DCDC2C: variants seen among roughly 807,000 people sequenced by gnomAD.
DCDC2C encodes the protein doublecortin domain-containing protein 2C.
Under a neutral mutation model 45.0 loss-of-function variants are expected in DCDC2C, and 44 were observed. That is an observed-to-expected ratio of 0.98 (90% CI 0.77 to 1.26). The LOEUF (loss-of-function observed/expected upper bound fraction) is 1.26. Ranked by LOEUF, DCDC2C falls within the 50% of genes most tolerant of loss-of-function variation. DCDC2C has a pLI of 0.00. For missense variants in DCDC2C, 447 were observed against 468.9 expected, an observed-to-expected ratio of 0.95 and a Z score of 0.43; for synonymous variants, 187 against 178.8, an observed-to-expected ratio of 1.05 and a Z score of -0.37.
intron 6 of DCDC2C, among the ~76,000 whole-genome samples, chr2:3,764,274 T>A (rs533454328): frequency 2.6e-5 from 4 of 152,258 alleles, no homozygotes; most frequent in Non-Finnish European, 5.9e-5. Context: ...TGTAAGGTCC[T>A]CATTTAGTGT....
intron 6 of DCDC2C, among the ~76,000 whole-genome samples, chr2:3,759,810 AT>A (rs1470765919): frequency 1.3e-5 from 2 of 152,196 alleles, no homozygotes; most frequent in African/African-American, 4.8e-5. Context: ...TGGGATTATC[AT>A]TGTGGATTCT....
chr2:3,747,942 C>A (rs934381768), intron 4 of DCDC2C, among the ~76,000 whole-genome samples: 1 of 152,044 alleles, frequency 6.6e-6, no homozygotes, highest in East Asian at 1.9e-4. Flanking sequence ...TCTGAGAAGG[C>A]GACATTTGAG....
chr2:3,788,584 A>G (rs959390274), intron 10 of DCDC2C: 3 of 152,210 alleles, frequency 2.0e-5, no homozygotes, highest in Non-Finnish European at 4.4e-5. Context: ...AGTTAAAAAA[A>G]AAGTACCTAA....
At chr2:3,768,752 T>G (rs1670082340) in intron 7 of DCDC2C, among the ~76,000 whole-genome samples, 1 of 152,170 alleles carries the variant, frequency 6.6e-6, no homozygotes, top group African/African-American at 2.4e-5. Context: ...TTTTGTATTT[T>G]TAGTAGAGAC....
At chr2:3,820,643 C>T (rs1038341557) in intron 10 of DCDC2C, among the ~76,000 whole-genome samples, 3 of 151,962 alleles carry the variant, frequency 2.0e-5, no homozygotes, top group African/African-American at 4.8e-5. Context: ...TTTGGGTCCA[C>T]GGATAAAATG....
At chr2:3,762,592 G>A (rs1218738201) in intron 6 of DCDC2C, among the ~76,000 whole-genome samples, 5 of 151,908 alleles carry the variant, frequency 3.3e-5, no homozygotes, top group South Asian at 2.1e-4. Flanking sequence ...AGAGAGAGTC[G>A]GGGGGAGCAG....
chr2:3,836,718 C>T (rs562836905), intron 10 of DCDC2C, among the ~76,000 whole-genome samples: 99 of 152,036 alleles, frequency 6.5e-4, no homozygotes, highest in Non-Finnish European at 1.1e-3. Context: ...CAAAATTAGC[C>T]GGGCACGGTG....
rs538062806 is a variant in DCDC2C, at chr2:3,742,411, G to C, written c.545+363G>C. Reference sequence around the variant, plus strand: ...CAGTTGGTCTGGAGGAGCCAGGCCTGGGGGAGCTGGTGTTTGGATTGAGTC... The same window carrying C: ...CAGTTGGTCTGGAGGAGCCAGGCCTCGGGGAGCTGGTGTTTGGATTGAGTC... On this transcript the variant is annotated intron_variant, in intron 4 of 10. Transcript: ENST00000399143. Among the ~76,000 whole-genome samples the C allele has an allele frequency of 5.9e-5, 9 of 152,278 alleles. No homozygotes were observed. In the South Asian group the frequency reaches 1.9e-3, roughly 32 times the overall value.
intron 1 of DCDC2C, 35 bp from the exon 2 acceptor site, chr2:3,708,514 C>T: frequency 6.7e-7 from 1 of 1,482,042 alleles, no homozygotes; most frequent in African/African-American, 1.4e-5. Flanking sequence ...AAATATCTTC[C>T]TTCTAATGAT....
chr2:3,739,527 C>G (rs1669134954), intron 3 of DCDC2C, among the ~76,000 whole-genome samples: 1 of 152,248 alleles, frequency 6.6e-6, no homozygotes, highest in Admixed American at 6.5e-5. Flanking sequence ...AGGAACGCAC[C>G]AACAGGCACC....
At chr2:3,833,175 C>G (rs1363006410) in intron 10 of DCDC2C, among the ~76,000 whole-genome samples, 1 of 152,184 alleles carries the variant, frequency 6.6e-6, no homozygotes, top group Non-Finnish European at 1.5e-5. Flanking sequence ...CTTCTGTCTT[C>G]CTCGTCCACT....
At chr2:3,732,406 G>A (rs997883990) in intron 3 of DCDC2C, among the ~76,000 whole-genome samples, 11 of 151,908 alleles carry the variant, frequency 7.2e-5, no homozygotes, top group African/African-American at 2.4e-4. Flanking sequence ...CTTTCCAGTC[G>A]GAATCATATC....
intron 4 of DCDC2C, among the ~76,000 whole-genome samples, chr2:3,743,587 T>C (rs527652455): frequency 6.6e-6 from 1 of 152,182 alleles, no homozygotes; most frequent in Non-Finnish European, 1.5e-5. Flanking sequence ...AAATCAGTAA[T>C]AGGAGGAAAA....
rs1057032555 is a variant in DCDC2C at position 3,818,896 on chromosome 2, A to C, written c.1066-28258A>C. On this transcript the variant is annotated intron_variant, in intron 10 of 10. Transcript: ENST00000399143. This position sits in a 1 kb window ranked among gnomAD's most constrained non-coding sequence, Gnocchi z 4.7. ...GTTTCAGTTAATAAGGGAACTGGGC[A>C]GGTGGGGATAACTAAAAAGGAGTGC... Among the ~76,000 whole-genome samples the C allele has an allele frequency of 3.3e-5, 5 of 152,306 alleles. No individual in the cohort carries two copies. The highest frequency in any genetic ancestry group is 3.9e-4 in the East Asian group (2 of 5,186).
At chr2:3,800,798 G>A (rs967020536) in intron 10 of DCDC2C, among the ~76,000 whole-genome samples, 2 of 124,560 alleles carry the variant, frequency 1.6e-5, no homozygotes, top group African/African-American at 5.1e-5. Flanking sequence ...CACTGCAAGT[G>A]TGTTGAAGTG....
In DCDC2C at chr2:3,769,358, G is replaced by A; in HGVS notation, c.901G>A (p.Ala301Thr). The change falls in exon 8 of 11, where the codon GCG becomes ACG. Residue 301 changes from alanine (A) to threonine (T), a missense_variant. By Grantham distance (58) the Ala-to-Thr change is moderately conservative. Coordinates refer to ENST00000399143, the MANE Select transcript of DCDC2C (RefSeq NM_001287444.2). Reference sequence around the variant, plus strand: ...GACTCCTAGCAAGGAAACCCAAGGGGCGCTGGACGTCAAAGAGGAGCACAA... The same window carrying A: ...GACTCCTAGCAAGGAAACCCAAGGGACGCTGGACGTCAAAGAGGAGCACAA... ...APTPSKETQG[A>T]LDVKEEHNVQ... is the part of the protein sequence containing the mutation. 6.4e-7 allele frequency: 1 copy of A among 1,550,648 alleles called. No individual in the cohort carries two copies. The highest frequency in any genetic ancestry group is 8.7e-7 in the Non-Finnish European group (1 of 1,146,988).
intron 2 of DCDC2C, among the ~76,000 whole-genome samples, chr2:3,709,514 C>T (rs986656046): frequency 6.6e-6 from 1 of 152,208 alleles, no homozygotes; most frequent in Non-Finnish European, 1.5e-5. Context: ...TGGAGTCTGC[C>T]CTTGAGGGCA....
intron 2 of DCDC2C, among the ~76,000 whole-genome samples, chr2:3,711,535 A>C (rs1484445605): frequency 6.6e-6 from 1 of 152,338 alleles, no homozygotes; most frequent in East Asian, 1.9e-4. Context: ...CAGCAAAAAT[A>C]AAAATTTTTA....
At chr2:3,768,012 T>C (rs1670061627) in intron 7 of DCDC2C, 132 bp downstream of exon 7, 2 of 1,067,864 alleles carry the variant, frequency 1.9e-6, no homozygotes, top group South Asian at 2.2e-5. Context: ...GCTTTATTAA[T>C]AAAAGGTTCA....
Sources: gnomAD v4.1 joint callset for allele counts (sites outside exome capture counted in the v4.1 genomes callset) on GRCh38, gnomAD v4.1.1 for gene constraint, Gnocchi (gnomAD v3.1) non-coding constraint, MANE v1.5 for transcripts, NCBI Gene and HGNC (gene_info 2026-07-23, HGNC 2026-07-21) for gene names.